The following C12orf50 variants were observed in gnomAD, a reference collection of about 807,000 sequenced individuals.
C12orf50 encodes the protein uncharacterized protein C12orf50.
C12orf50 carries 35 observed loss-of-function variants against 61.6 expected under a neutral mutation model. That is an observed-to-expected ratio of 0.57 (90% CI 0.43 to 0.75). The LOEUF (loss-of-function observed/expected upper bound fraction) is 0.75, where lower values mean the gene tolerates loss of function less well. C12orf50 is among the 30% of genes least tolerant of loss of function. The pLI, the probability that C12orf50 is intolerant of heterozygous loss-of-function variation, is 0.00. For synonymous variants in C12orf50, 178 were observed against 161.5 expected, an observed-to-expected ratio of 1.10 and a Z score of -0.77; for missense variants, 475 against 488.5, an observed-to-expected ratio of 0.97 and a Z score of 0.26.
chr12:87,999,017 C>T (rs1273690535), intron 3 of C12orf50, among the ~76,000 whole-genome samples: 1 of 151,982 alleles, frequency 6.6e-6, no homozygotes, highest in Non-Finnish European at 1.5e-5. Context: ...CATAGAAGAA[C>T]CCTTAGGTCA....
At chr12:88,020,190 A>G (rs998987990) in intron 3 of C12orf50, among the ~76,000 whole-genome samples, 4 of 152,244 alleles carry the variant, frequency 2.6e-5, no homozygotes, top group Admixed American at 1.3e-4. Flanking sequence ...ACACATATCA[A>G]TGTAACCTTG....
At chr12:87,993,799 TTTCCAACATGTTTA>T (rs2031246495) in intron 7 of C12orf50, among the ~76,000 whole-genome samples, 3 of 152,226 alleles carry the variant, frequency 2.0e-5, no homozygotes, top group African/African-American at 7.2e-5. Flanking sequence ...AAGGACAGAT[TTTCCAACATGTTTA>T]TGCTAAAAAG....
intron 3 of C12orf50, among the ~76,000 whole-genome samples, chr12:88,020,569 G>T (rs915019610): frequency 1.2e-4 from 18 of 152,124 alleles, no homozygotes; most frequent in Non-Finnish European, 1.5e-4. Flanking sequence ...AAAAGACTTA[G>T]ATTCCCATAC....
chr12:87,988,024 C>T, intron 8 of C12orf50, 58 bp from the exon 9 acceptor site: 1 of 1,124,694 alleles, frequency 8.9e-7, no homozygotes, highest in East Asian at 2.5e-5. Context: ...AAAAGCATTT[C>T]AGTTGTTATT....
chr12:88,015,234 AGT>A (rs1565758028), intron 3 of C12orf50, among the ~76,000 whole-genome samples: 1 of 152,188 alleles, frequency 6.6e-6, no homozygotes, highest in African/African-American at 2.4e-5. Flanking sequence ...CACAAAAATT[AGT>A]GTGTGTGTAC....
intron 6 of C12orf50, 21 bp from the exon 7 acceptor site, chr12:87,994,764 A>C: frequency 6.7e-7 from 1 of 1,489,742 alleles, no homozygotes; most frequent in South Asian, 1.2e-5. Context: ...GAAGAAAAAA[A>C]AGTCACCCCA....
intron 9 of C12orf50, among the ~76,000 whole-genome samples, chr12:87,987,103 C>T (rs1358967886): frequency 1.3e-5 from 2 of 152,114 alleles, no homozygotes; most frequent in Non-Finnish European, 2.9e-5. Context: ...CAAGTGACCG[C>T]TGCACAGAGA....
chr12:87,994,011 C>T (rs1361294405), intron 7 of C12orf50, among the ~76,000 whole-genome samples: 4 of 152,018 alleles, frequency 2.6e-5, no homozygotes, highest in Non-Finnish European at 4.4e-5. Context: ...GCCAGCCTGA[C>T]CAACATGGTG....
chr12:87,982,467 T>G (rs1325845474), intron 12 of C12orf50, among the ~76,000 whole-genome samples: 1 of 152,100 alleles, frequency 6.6e-6, no homozygotes, highest in Admixed American at 6.5e-5. Context: ...TGAGAAGTAA[T>G]CGAAAGCATT....
At chr12:88,024,642 G>T (rs376509918) in intron 3 of C12orf50, among the ~76,000 whole-genome samples, 2 of 152,060 alleles carry the variant, frequency 1.3e-5, no homozygotes, top group Non-Finnish European at 2.9e-5. Flanking sequence ...AGAAGGGAGA[G>T]GATCAGAAAA....
At chr12:87,989,718 A>G (rs964224321) in intron 7 of C12orf50, among the ~76,000 whole-genome samples, 19 of 152,022 alleles carry the variant, frequency 1.2e-4, no homozygotes, top group African/African-American at 4.6e-4. Context: ...ATATTAAAGC[A>G]GTTTCCATAT....
intron 10 of C12orf50, 61 bp downstream of exon 10, chr12:87,986,251 T>C: frequency 3.0e-6 from 4 of 1,334,424 alleles, no homozygotes; most frequent in Non-Finnish European, 4.1e-6. Flanking sequence ...GTAGAAGATA[T>C]TTGATATTTA....
chr12:88,002,961 C>T (rs573419667), intron 3 of C12orf50, among the ~76,000 whole-genome samples: 36 of 151,946 alleles, frequency 2.4e-4, no homozygotes, highest in African/African-American at 8.4e-4. Context: ...TAGCTCTATG[C>T]CCTCTTCCTC....
At chr12:88,005,751 A>G (rs926079202) in intron 3 of C12orf50, among the ~76,000 whole-genome samples, 1 of 138,450 alleles carries the variant, frequency 7.2e-6, no homozygotes, top group Non-Finnish European at 1.5e-5. Flanking sequence ...GCGAGAATCC[A>G]TGTTTTTAAA....
In C12orf50 at chr12:87,989,389, T is replaced by G. The variant is rs1439393439; in HGVS notation, c.593-18A>C. 1 of 1,565,732 alleles carries G rather than the reference T, an allele frequency of 6.4e-7. No individual in the cohort carries two copies. Among genetic ancestry groups the G allele is most frequent in the South Asian group, 1.1e-5 (1 of 88,738 alleles). On this transcript the variant is annotated intron_variant, in intron 7 of 12. Coordinates refer to ENST00000298699, the MANE Select transcript of C12orf50 (RefSeq NM_152589.3). ...GTCACCTCCTATGACAAAACCTTAC[T>G]GTCAGTGGCAACAATGGCAGAAAGT...
intron 3 of C12orf50, among the ~76,000 whole-genome samples, chr12:88,016,235 A>T (rs2032306525): frequency 6.6e-6 from 1 of 152,214 alleles, no homozygotes; most frequent in African/African-American, 2.4e-5. Flanking sequence ...GTATGAACCT[A>T]TACTTAGCCA....
chr12:88,013,039 G>A (rs2032171523), intron 3 of C12orf50, among the ~76,000 whole-genome samples: 1 of 151,904 alleles, frequency 6.6e-6, no homozygotes, highest in Non-Finnish European at 1.5e-5. Context: ...ACTCTGGCCT[G>A]GGCAACAGAG....
chr12:87,998,314 A>T, intron 3 of C12orf50, 124 bp from the exon 4 acceptor site: 1 of 643,184 alleles, frequency 1.6e-6, no homozygotes, highest in Non-Finnish European at 2.3e-6. Flanking sequence ...ATAATAATAC[A>T]TTAATGGATT....
intron 11 of C12orf50, 185 bp downstream of exon 11, chr12:87,985,665 C>T: frequency 4.7e-6 from 3 of 643,354 alleles, no homozygotes; most frequent in Non-Finnish European, 8.2e-6. Context: ...GAGTTTTCTT[C>T]CATATCCTTT....
Sources: allele counts gnomAD v4.1 joint callset (sites outside exome capture counted in the v4.1 genomes callset), GRCh38; gene constraint gnomAD v4.1.1; transcripts MANE v1.5; gene names NCBI Gene and HGNC (gene_info 2026-07-23, HGNC 2026-07-21).